The following GLRA2 variants were observed in gnomAD, a reference collection of about 807,000 sequenced individuals.
The protein encoded by GLRA2 is glycine receptor alpha 2.
GLRA2 carries 11 observed loss-of-function variants against 31.6 expected under a neutral mutation model. That is an observed-to-expected ratio of 0.35 (90% CI 0.22 to 0.58). The LOEUF (loss-of-function observed/expected upper bound fraction) is 0.58. GLRA2 is among the 20% of genes least tolerant of loss of function. The pLI is 0.84. For missense variants in GLRA2, 212 were observed against 351.8 expected (o/e 0.60, Z 3.18); for synonymous variants, 132 against 134.0 (o/e 0.99, Z 0.10).
At chrX:14,632,033 C>T (rs764386177) in intron 7 of GLRA2, among the ~76,000 whole-genome samples, 1 of 98,699 alleles carries the variant, frequency 1.0e-5, no homozygotes, top group Admixed American at 1.2e-4. Flanking sequence ...ACCCTCAGAT[C>T]CATCTTTTCA....
chrX:14,618,472 C>T (rs12838538), intron 7 of GLRA2, among the ~76,000 whole-genome samples: 38 of 110,892 alleles, frequency 3.4e-4, no homozygotes, highest in South Asian at 7.5e-4. Flanking sequence ...TTTATGTAAA[C>T]GGCATTATGT....
At chrX:14,668,185 C>A (rs111698335) in intron 7 of GLRA2, among the ~76,000 whole-genome samples, 2 of 112,252 alleles carry the variant, frequency 1.8e-5, no homozygotes, top group Admixed American at 1.9e-4. Flanking sequence ...CAGTTCCTTG[C>A]TAGGTAGCCC....
At chrX:14,625,175 CT>C (rs1381698951) in intron 7 of GLRA2, among the ~76,000 whole-genome samples, 1 of 110,523 alleles carries the variant, frequency 9.0e-6, no homozygotes, top group African/African-American at 3.3e-5. Context: ...GCAACCCCTG[CT>C]TTTTTTTGTT....
the GLRA2 span, among the ~76,000 whole-genome samples, chrX:14,473,954 T>C: frequency 8.9e-6 from 1 of 111,975 alleles, no homozygotes; most frequent in Admixed American, 9.5e-5. Context: ...TTCTATTACA[T>C]AAGAACACAT....
chrX:14,706,613 T>TATAATGATATA (rs1169901707), intron 8 of GLRA2, among the ~76,000 whole-genome samples: 3 of 111,887 alleles, frequency 2.7e-5, no homozygotes, highest in African/African-American at 9.7e-5. Flanking sequence ...AGCCTAGGAT[T>TATAATGATATA]ATCATTCTGG....
chrX:14,692,343 C>T lies in GLRA2; in HGVS notation c.1080+1484C>T, dbSNP rs1262352333. On this transcript the variant is annotated intron_variant, in intron 8 of 8. Coordinates refer to ENST00000218075, the MANE Select transcript of GLRA2 (RefSeq NM_002063.4). ...ATCACATTCACAGAAGTCCAGCACA[C>T]AGCAGCAAAAGTTCAGGATCACTTG... Among the ~76,000 whole-genome samples the T allele has an allele frequency of 2.7e-5, 3 of 112,407 alleles. No individual in the cohort carries two copies. The East Asian group carries it at 8.3e-4, about 31-fold the overall frequency.
At chrX:14,715,720 C>T (rs1464603362) in intron 8 of GLRA2, among the ~76,000 whole-genome samples, 1 of 111,230 alleles carries the variant, frequency 9.0e-6, no homozygotes, top group African/African-American at 3.3e-5. Context: ...TAAAGGGAAG[C>T]AGTTTATAGT....
At chrX:14,630,111 A>AT (rs1342139930) in intron 7 of GLRA2, among the ~76,000 whole-genome samples, 3 of 111,715 alleles carry the variant, frequency 2.7e-5, no homozygotes, top group Non-Finnish European at 5.7e-5. Flanking sequence ...TTATTTTAAC[A>AT]TTTTTTATAG....
chrX:14,531,201 A>G (rs2089250861), intron 1 of GLRA2: 2 of 853,580 alleles, frequency 2.3e-6, no homozygotes, highest in Non-Finnish European at 3.1e-6. Context: ...GCATGCTCAT[A>G]TCAATTTTTA....
chrX:14,699,912 A>G (rs1334856454), intron 8 of GLRA2, among the ~76,000 whole-genome samples: 1 of 112,034 alleles, frequency 8.9e-6, no homozygotes, highest in African/African-American at 3.2e-5. Flanking sequence ...CTCACTTCTA[A>G]GTGGGAGCTA....
chrX:14,466,922 G>C, the GLRA2 span, among the ~76,000 whole-genome samples: 1 of 111,837 alleles, frequency 8.9e-6, no homozygotes, highest in Non-Finnish European at 1.9e-5. Context: ...ATCCAGGATG[G>C]TTCCACATGG....
intron 2 of GLRA2, among the ~76,000 whole-genome samples, chrX:14,564,225 A>G (rs746621373): frequency 9.0e-6 from 1 of 110,908 alleles, no homozygotes; most frequent in East Asian, 2.8e-4. Flanking sequence ...AAAACAACTC[A>G]TTACATACAT....
intron 8 of GLRA2, among the ~76,000 whole-genome samples, chrX:14,728,656 T>C (rs768089862): frequency 2.7e-5 from 3 of 112,183 alleles, no homozygotes; most frequent in Non-Finnish European, 5.6e-5. Context: ...CCAGAGATAC[T>C]GTATCACAAT....
At chrX:14,643,152 A>C (rs1488376607) in intron 7 of GLRA2, among the ~76,000 whole-genome samples, 1 of 111,835 alleles carries the variant, frequency 8.9e-6, no homozygotes, top group African/African-American at 3.2e-5. Flanking sequence ...GTGTAACTGC[A>C]AAGAACTAAA....
chrX:14,548,871 T>A (rs746578095), intron 2 of GLRA2, among the ~76,000 whole-genome samples: 14 of 111,515 alleles, frequency 1.3e-4, no homozygotes, highest in Non-Finnish European at 1.9e-4. Flanking sequence ...AACCAGTGAG[T>A]CTGTGGTTGG....
intron 8 of GLRA2, among the ~76,000 whole-genome samples, chrX:14,710,406 T>C (rs1031891453): frequency 2.4e-4 from 27 of 111,971 alleles, no homozygotes; most frequent in Non-Finnish European, 4.3e-4. Flanking sequence ...CAGGCCTCTG[T>C]GAACACCATG....
chrX:14,503,051 A>C, the GLRA2 span, among the ~76,000 whole-genome samples: 1 of 111,399 alleles, frequency 9.0e-6, no homozygotes, highest in Non-Finnish European at 1.9e-5. Flanking sequence ...CATATCCATT[A>C]ATGACCATGA....
chrX:14,489,943 A>G, the GLRA2 span, among the ~76,000 whole-genome samples: 9 of 110,847 alleles, frequency 8.1e-5, no homozygotes, highest in African/African-American at 3.0e-4. Context: ...TAATAGTACA[A>G]TGTCTTTCCA....
At chrX:14,478,496 GGT>G in the GLRA2 span, among the ~76,000 whole-genome samples, 1 of 111,539 alleles carries the variant, frequency 9.0e-6, no homozygotes, top group African/African-American at 3.3e-5. Flanking sequence ...TATTTGTGTG[GGT>G]GTGTTTCTGT....
Sources: gnomAD v4.1 joint callset for allele counts (sites outside exome capture counted in the v4.1 genomes callset) on GRCh38, gnomAD v4.1.1 for gene constraint, MANE v1.5 for transcripts, NCBI Gene and HGNC (gene_info 2026-07-23, HGNC 2026-07-21) for gene names.